Variants in DKK2 observed in about 807,000 individuals in gnomAD.
The protein encoded by DKK2 is dickkopf-related protein 2.
A neutral mutation model predicts 28.1 loss-of-function variants in DKK2; 11 were observed. The ratio of observed to expected loss-of-function variants is 0.39; its 90% CI spans 0.25 to 0.65. The LOEUF (loss-of-function observed/expected upper bound fraction) is 0.65. Ranked by LOEUF, DKK2 falls within the 30% of genes least tolerant of loss-of-function variation. DKK2 has a pLI of 0.47. For missense variants in DKK2, 326 were observed against 335.5 expected (o/e 0.97, Z 0.22); for synonymous variants, 135 against 126.5 (o/e 1.07, Z -0.45).
intron 1 of DKK2, among the ~76,000 whole-genome samples, chr4:107,003,274 C>T (rs188663379): frequency 3.9e-5 from 6 of 152,284 alleles, no homozygotes; most frequent in Admixed American, 6.5e-5. Context: ...TAGAAGATTC[C>T]GTCTTTCACT....
intron 1 of DKK2, among the ~76,000 whole-genome samples, chr4:106,983,775 A>T (rs1723072176): frequency 6.6e-6 from 1 of 152,208 alleles, no homozygotes. Context: ...AAAGGCAAAT[A>T]ATCCTATTAG....
chr4:106,936,399 G>A (rs879579435), intron 1 of DKK2, among the ~76,000 whole-genome samples: 27 of 151,962 alleles, frequency 1.8e-4, no homozygotes, highest in Non-Finnish European at 3.4e-4. Context: ...AATGAAGCAA[G>A]AAGGGAAGTT....
chr4:107,020,136 T>C (rs1301623206), intron 1 of DKK2, among the ~76,000 whole-genome samples: 2 of 152,136 alleles, frequency 1.3e-5, no homozygotes, highest in African/African-American at 4.8e-5. Flanking sequence ...TTTTTTGTGT[T>C]GAAAGCTTTT....
rs574807007 is a variant in DKK2, at chr4:107,035,762, C to A, written c.-171G>T. 6.3e-6 allele frequency: 4 copies of A among 639,600 alleles called. No homozygotes were observed. The highest frequency in any genetic ancestry group is 8.1e-6 in the Non-Finnish European group (3 of 371,934). The allele number at this position is 639,600 out of a possible 1,614,324, so 39.6% of individuals were successfully genotyped here. A position where few individuals can be genotyped will look rare whatever the true frequency, so the allele number is the denominator to read the frequency against. Reference sequence around the variant, plus strand: ...AGGACCCTATGAACTCAGTCTCACGCCTCAGGACAGAAATTAGCGGAACCC... The same window carrying A: ...AGGACCCTATGAACTCAGTCTCACGACTCAGGACAGAAATTAGCGGAACCC... On this transcript the variant is annotated 5_prime_UTR_variant, in exon 1 of 4. Coordinates refer to ENST00000285311, the MANE Select transcript of DKK2 (RefSeq NM_014421.3).
At chr4:106,980,895 C>T (rs970166725) in intron 1 of DKK2, among the ~76,000 whole-genome samples, 27 of 152,212 alleles carry the variant, frequency 1.8e-4, no homozygotes, top group African/African-American at 6.0e-4. Context: ...GATTTGAGTG[C>T]TACCAAATTT....
intron 1 of DKK2, among the ~76,000 whole-genome samples, chr4:106,978,044 G>C (rs1422041526): frequency 6.6e-6 from 1 of 152,204 alleles, no homozygotes. Flanking sequence ...TCCAGACCCT[G>C]TTTGCCTGGA....
intron 1 of DKK2, among the ~76,000 whole-genome samples, chr4:106,946,985 T>C (rs1250074516): frequency 2.0e-5 from 3 of 152,214 alleles, no homozygotes. Context: ...GAGGTAAAGA[T>C]GTTTAAAACA....
chr4:107,022,938 AG>A (rs1578381905), intron 1 of DKK2, among the ~76,000 whole-genome samples: 1 of 152,070 alleles, frequency 6.6e-6, no homozygotes, highest in Non-Finnish European at 1.5e-5. Flanking sequence ...ATGGAATACA[AG>A]GGGGGAAGCA....
In DKK2 at chr4:107,031,417, T is replaced by C. The variant is rs116626777; in HGVS notation, c.222+3953A>G. Among the ~76,000 whole-genome samples the C allele has an allele frequency of 4.7e-3, 712 of 152,108 alleles. 5 individuals are homozygous for C. Among genetic ancestry groups the C allele is most frequent in the African/African-American group, 0.017 (688 of 41,562 alleles). On this transcript the variant is annotated intron_variant, in intron 1 of 3. Coordinates refer to ENST00000285311, the MANE Select transcript of DKK2 (RefSeq NM_014421.3). ...TGCATACAGATACAGCACACTTTCATTAAAGAAAATGCAGTCTACAAATAT... is the reference window on the plus strand; with the variant it reads ...TGCATACAGATACAGCACACTTTCACTAAAGAAAATGCAGTCTACAAATAT...
At chr4:107,019,472 G>A (rs893896757) in intron 1 of DKK2, among the ~76,000 whole-genome samples, 1 of 151,980 alleles carries the variant, frequency 6.6e-6, no homozygotes, top group Non-Finnish European at 1.5e-5. Context: ...AAGGTTAAGT[G>A]AGGCAACATA....
chr4:106,941,793 A>G (rs1424448662), intron 1 of DKK2, among the ~76,000 whole-genome samples: 1 of 152,152 alleles, frequency 6.6e-6, no homozygotes, highest in African/African-American at 2.4e-5. Flanking sequence ...TTTATTTCAG[A>G]CATTTTCCAG....
chr4:107,005,256 G>A (rs1300546242), intron 1 of DKK2, among the ~76,000 whole-genome samples: 3 of 150,692 alleles, frequency 2.0e-5, no homozygotes, highest in Non-Finnish European at 4.4e-5. Context: ...CAGGAGCAAG[G>A]CGTGAACCCG....
intron 1 of DKK2, among the ~76,000 whole-genome samples, chr4:106,970,723 A>C (rs1033881833): frequency 2.6e-5 from 4 of 152,092 alleles, no homozygotes; most frequent in Non-Finnish European, 5.9e-5. Context: ...TTGTAGCAAA[A>C]GTGGCACTGC....
chr4:106,977,448 T>C (rs1294667573), intron 1 of DKK2, among the ~76,000 whole-genome samples: 1 of 152,192 alleles, frequency 6.6e-6, no homozygotes, highest in African/African-American at 2.4e-5. Context: ...CTTTTCATTC[T>C]TTTTTCTCTA....
chr4:107,025,390 AG>A (rs1456532000), intron 1 of DKK2, among the ~76,000 whole-genome samples: 1 of 152,236 alleles, frequency 6.6e-6, no homozygotes, highest in Non-Finnish European at 1.5e-5. Flanking sequence ...AGAGAAGAAA[AG>A]GACTAAAATT....
chr4:106,929,280 T>G (rs1336968480), intron 1 of DKK2, among the ~76,000 whole-genome samples: 1 of 152,204 alleles, frequency 6.6e-6, no homozygotes, highest in Non-Finnish European at 1.5e-5. Context: ...GGCTCTTCAT[T>G]TACCTGGAAC....
intron 1 of DKK2, among the ~76,000 whole-genome samples, chr4:106,939,202 T>C (rs565523646): frequency 1.3e-5 from 2 of 152,240 alleles, no homozygotes; most frequent in South Asian, 2.1e-4. Context: ...TGACTGTATA[T>C]CTAGAAAACC....
intron 1 of DKK2, among the ~76,000 whole-genome samples, chr4:107,025,393 ACTAAAATT>A (rs1198565048): frequency 6.6e-6 from 1 of 152,224 alleles, no homozygotes; most frequent in Non-Finnish European, 1.5e-5. Flanking sequence ...GAAGAAAAGG[ACTAAAATT>A]GAGAAGTCAT....
intron 1 of DKK2, among the ~76,000 whole-genome samples, chr4:107,023,601 A>AACACAT (rs1260115026): frequency 1.3e-5 from 2 of 152,254 alleles, no homozygotes; most frequent in African/African-American, 4.8e-5. Context: ...TAGAATGCAC[A>AACACAT]ACACAAAGAG....
Sources: gnomAD v4.1 joint callset for allele counts (sites outside exome capture counted in the v4.1 genomes callset) on GRCh38, gnomAD v4.1.1 for gene constraint, MANE v1.5 for transcripts, NCBI Gene and HGNC (gene_info 2026-07-23, HGNC 2026-07-21) for gene names.